CACNG5: variants seen among roughly 807,000 people sequenced by gnomAD.
CACNG5 encodes calcium voltage-gated channel auxiliary subunit gamma 5, also known as voltage-dependent calcium channel gamma-5 subunit.
CACNG5 carries 18 observed loss-of-function variants against 24.8 expected under a neutral mutation model. That is an observed-to-expected ratio of 0.73 (90% confidence interval 0.50 to 1.08). The LOEUF is 1.08. Ranked by LOEUF, CACNG5 falls within the 50% of genes least tolerant of loss-of-function variation. CACNG5 has a pLI of 0.00. For missense variants in CACNG5, 349 were observed against 367.9 expected, an observed-to-expected ratio of 0.95 and a Z score of 0.42; for synonymous variants, 157 against 149.1, an observed-to-expected ratio of 1.05 and a Z score of -0.39.
chr17:66,844,172 T>C (rs148667548), intron 1 of CACNG5, among the ~76,000 whole-genome samples: 168 of 152,320 alleles, frequency 1.1e-3, no homozygotes, highest in African/African-American at 3.7e-3. Context: ...TTTATAAGCA[T>C]CCTGTTGTCT....
Position 66,887,414 on chromosome 17 carries a change from C to T in CACNG5, c.*2174C>T, listed in dbSNP as rs371469490. Among the ~76,000 whole-genome samples, 1 of 152,008 alleles carries T rather than the reference C, an allele frequency of 6.6e-6. No individual in the cohort carries two copies. The highest frequency in any genetic ancestry group is 2.4e-5 in the African/African-American group (1 of 41,358). On this transcript the variant is annotated 3_prime_UTR_variant, in exon 6 of 6. Transcript: ENST00000533854. ...AAACTGATAGCAACTGCAAGGCCCC[C>T]CTCCCTCTCCACTGGCACCCTTGCA...
intron 1 of CACNG5, among the ~76,000 whole-genome samples, chr17:66,863,338 C>G (rs1976889834): frequency 7.0e-6 from 1 of 143,580 alleles, no homozygotes; most frequent in African/African-American, 2.9e-5. Context: ...TTCACACTCA[C>G]TGTTTTTTTT....
intron 1 of CACNG5, among the ~76,000 whole-genome samples, chr17:66,838,199 C>T (rs911246665): frequency 6.6e-6 from 1 of 151,752 alleles, no homozygotes; most frequent in African/African-American, 2.4e-5. Flanking sequence ...CCCTGCCTGG[C>T]TGTGCCTCCC....
At chr17:66,841,646 G>T (rs1212231162) in intron 1 of CACNG5, among the ~76,000 whole-genome samples, 1 of 152,154 alleles carries the variant, frequency 6.6e-6, no homozygotes, top group Admixed American at 6.5e-5. Context: ...GCCACAGGAG[G>T]AGCCCTGGCT....
chr17:66,846,284 G>C (rs145886926), intron 1 of CACNG5, among the ~76,000 whole-genome samples: 194 of 152,300 alleles, frequency 1.3e-3, no homozygotes, highest in African/African-American at 4.4e-3. Context: ...CCATTTTAAA[G>C]TGTGTGATTC....
chr17:66,839,085 C>T (rs1351074957), intron 1 of CACNG5, among the ~76,000 whole-genome samples: 5 of 151,694 alleles, frequency 3.3e-5, no homozygotes, highest in Admixed American at 2.6e-4. Flanking sequence ...CCTCAGCCTC[C>T]TGAGTAGCTG....
intron 1 of CACNG5, among the ~76,000 whole-genome samples, chr17:66,860,857 A>AT (rs34092567): frequency 0.13 from 18,811 of 147,138 alleles, 1,506 homozygotes; most frequent in East Asian, 0.39. Flanking sequence ...CTTTCTTGAC[A>AT]TTTTTTTTTT....
At chr17:66,852,186 T>G (rs1976716290) in intron 1 of CACNG5, among the ~76,000 whole-genome samples, 1 of 152,204 alleles carries the variant, frequency 6.6e-6, no homozygotes. Flanking sequence ...ACTCTGAGAC[T>G]TGCACCAGCA....
rs1166722247 is a variant in CACNG5 at position 66,890,870 on chromosome 17, A to G, written c.*5630A>G. On this transcript the variant is annotated 3_prime_UTR_variant, in exon 6 of 6. Coordinates refer to ENST00000533854, the MANE Select transcript of CACNG5 (RefSeq NM_145811.3). The stretch of plus-strand genomic sequence containing the variant: ...CAAGCTCAAGTAGTAGACTCCTCCC[A>G]GCCCCTGCCTCCTGATGGAGGCACC... Among the ~76,000 whole-genome samples the G allele has an allele frequency of 6.6e-6, 1 of 152,202 alleles. No individual in the cohort carries two copies. Among genetic ancestry groups the G allele is most frequent in the Non-Finnish European group, 1.5e-5 (1 of 68,036 alleles).
At position 66,887,647 on chromosome 17, in the gene CACNG5, C is replaced by G. The variant is rs191925400; in HGVS notation, c.*2407C>G. 1.3e-5 allele frequency among the ~76,000 whole-genome samples: 2 copies of G among 152,240 alleles called. No individual in the cohort carries two copies. The highest frequency in any genetic ancestry group is 1.3e-4 in the Admixed American group (2 of 15,294). ...TCTCTCTAGAACACTCTTTCTCTGTCACTGTGCCAGGCTTGTTTTTGGTGC... is the reference window on the plus strand; with the variant it reads ...TCTCTCTAGAACACTCTTTCTCTGTGACTGTGCCAGGCTTGTTTTTGGTGC... On this transcript the variant is annotated 3_prime_UTR_variant, in exon 6 of 6. Transcript: ENST00000533854.
rs1447323647 is a variant in CACNG5 at position 66,887,049 on chromosome 17, G to T, written c.*1809G>T. Among the ~76,000 whole-genome samples the T allele has an allele frequency of 6.6e-6, 1 of 152,172 alleles. No individual in the cohort carries two copies. The highest frequency in any genetic ancestry group is 1.5e-5 in the Non-Finnish European group (1 of 68,044). On this transcript the variant is annotated 3_prime_UTR_variant, in exon 6 of 6. Coordinates refer to ENST00000533854, the MANE Select transcript of CACNG5 (RefSeq NM_145811.3). ...ATTTTCATGAAATAACCTCTTTAAA[G>T]GCTCTATCTCCAAATACAGTCATGT...
chr17:66,863,523 C>A (rs1386981960), intron 1 of CACNG5, among the ~76,000 whole-genome samples: 1 of 152,036 alleles, frequency 6.6e-6, no homozygotes, highest in Non-Finnish European at 1.5e-5. Flanking sequence ...TGCACCACCA[C>A]GCCCAGCTAA....
At position 66,892,443 on chromosome 17, in the gene CACNG5, T is replaced by G. The variant is rs904438664; in HGVS notation, c.*7203T>G. Reference sequence around the variant, plus strand: ...GGATGCAAGCAGGGATGATAAATCCTTAGAAATGATCTCATAGTCTCGGGC... The same window carrying G: ...GGATGCAAGCAGGGATGATAAATCCGTAGAAATGATCTCATAGTCTCGGGC... On this transcript the variant is annotated 3_prime_UTR_variant, in exon 6 of 6. Transcript: ENST00000533854. 6.6e-6 allele frequency among the ~76,000 whole-genome samples: 1 copy of G among 152,260 alleles called. No individual in the cohort carries two copies.
intron 1 of CACNG5, among the ~76,000 whole-genome samples, chr17:66,861,752 G>C (rs566310064): frequency 4.6e-5 from 7 of 152,334 alleles, no homozygotes; most frequent in African/African-American, 1.7e-4. Flanking sequence ...AGCCATGGGG[G>C]CAGTGAGCAT....
intron 1 of CACNG5, among the ~76,000 whole-genome samples, chr17:66,873,952 T>C (rs1426892156): frequency 8.2e-6 from 1 of 122,608 alleles, no homozygotes; most frequent in African/African-American, 3.1e-5. Context: ...TTTTTTTTTT[T>C]CCTTTTAACC....
chr17:66,883,074 T>C (rs562507907), intron 4 of CACNG5, among the ~76,000 whole-genome samples: 43 of 152,174 alleles, frequency 2.8e-4, no homozygotes, highest in Non-Finnish European at 5.7e-4. Flanking sequence ...TTCTTCCATC[T>C]ATCAACCCAT....
chr17:66,884,756 A>G, intron 5 of CACNG5, 95 bp downstream of exon 5: 1 of 1,613,810 alleles, frequency 6.2e-7, no homozygotes. Flanking sequence ...GACATTCCAC[A>G]ACCATTTTGG....
At chr17:66,851,032 G>A (rs536884400) in intron 1 of CACNG5, among the ~76,000 whole-genome samples, 6 of 152,126 alleles carry the variant, frequency 3.9e-5, no homozygotes, top group African/African-American at 9.6e-5. Flanking sequence ...TTGGGCCCCC[G>A]CAAGGCCAGA....
chr17:66,852,893 TTCTCTCTTC>T (rs1001931162), intron 1 of CACNG5, among the ~76,000 whole-genome samples: 5 of 150,212 alleles, frequency 3.3e-5, no homozygotes, highest in African/African-American at 9.8e-5. Context: ...CTTTTTCTCT[TTCTCTCTTC>T]TCTCTCTTCT....
Sources: gnomAD v4.1 joint callset for allele counts (sites outside exome capture counted in the v4.1 genomes callset) on GRCh38, gnomAD v4.1.1 for gene constraint, MANE v1.5 for transcripts, NCBI Gene and HGNC (gene_info 2026-07-23, HGNC 2026-07-21) for gene names.